Variants in CAMKMT observed in about 807,000 individuals in gnomAD.
CAMKMT encodes the protein calmodulin-lysine N-methyltransferase.
CAMKMT carries 53 observed loss-of-function variants against 48.0 expected under a neutral mutation model. The observed-to-expected ratio is 1.10, with a 90% CI of 0.89 to 1.39. The LOEUF is 1.39. Ranked by LOEUF, CAMKMT falls within the 40% of genes most tolerant of loss-of-function variation. The pLI is 0.00. For missense variants in CAMKMT, 428 were observed against 402.7 expected, an observed-to-expected ratio of 1.06 and a Z score of -0.54; for synonymous variants, 165 against 152.3, an observed-to-expected ratio of 1.08 and a Z score of -0.61.
chr2:44,439,970 A>G (rs867627330), intron 3 of CAMKMT, among the ~76,000 whole-genome samples: 4 of 152,272 alleles, frequency 2.6e-5, no homozygotes, highest in Admixed American at 6.5e-5. Flanking sequence ...CTACTTGGAG[A>G]CAAAGGTCTC....
intron 8 of CAMKMT, among the ~76,000 whole-genome samples, chr2:44,749,227 A>G (rs1314242160): frequency 6.6e-6 from 1 of 152,186 alleles, no homozygotes; most frequent in Admixed American, 6.5e-5. Context: ...ACTTTTTGGA[A>G]ACTTCTTATA....
At chr2:44,420,423 G>A (rs2603264) in intron 3 of CAMKMT, among the ~76,000 whole-genome samples, 1 of 152,082 alleles carries the variant, frequency 6.6e-6, no homozygotes, top group Admixed American at 6.6e-5. Flanking sequence ...CAATGCAGGG[G>A]TTAGGAGTGC....
intron 3 of CAMKMT, among the ~76,000 whole-genome samples, chr2:44,600,670 A>G (rs1313816783): frequency 6.6e-6 from 1 of 152,146 alleles, no homozygotes; most frequent in Admixed American, 6.5e-5. Flanking sequence ...ATATACAGAT[A>G]CAGACACACA....
chr2:44,481,301 A>G (rs547708230), intron 3 of CAMKMT, among the ~76,000 whole-genome samples: 6 of 152,190 alleles, frequency 3.9e-5, no homozygotes, highest in South Asian at 4.1e-4. Context: ...TATAAAATCT[A>G]TTTTTGATGG....
At chr2:44,767,768 A>G (rs1352221042) in intron 10 of CAMKMT, among the ~76,000 whole-genome samples, 1 of 152,116 alleles carries the variant, frequency 6.6e-6, no homozygotes, top group African/African-American at 2.4e-5. Flanking sequence ...TTTACCTGGT[A>G]GGAAAAGGGT....
intron 3 of CAMKMT, among the ~76,000 whole-genome samples, chr2:44,450,085 C>A (rs1667212701): frequency 6.6e-6 from 1 of 152,112 alleles, no homozygotes; most frequent in East Asian, 1.9e-4. Context: ...TTCATCAACA[C>A]TGTGGAATGA....
chr2:44,574,661 G>GAGT (rs1297356803), intron 3 of CAMKMT, among the ~76,000 whole-genome samples: 2 of 151,196 alleles, frequency 1.3e-5, no homozygotes, highest in African/African-American at 4.9e-5. Context: ...AGGTTGCGTT[G>GAGT]ACTTATAGAG....
intron 3 of CAMKMT, among the ~76,000 whole-genome samples, chr2:44,496,133 G>A (rs1343184328): frequency 6.6e-6 from 1 of 152,158 alleles, no homozygotes; most frequent in Admixed American, 6.6e-5. Context: ...AAAGTCCTCA[G>A]TACAATTTTA....
At chr2:44,457,738 C>G (rs10198598) in intron 3 of CAMKMT, among the ~76,000 whole-genome samples, 1 of 152,066 alleles carries the variant, frequency 6.6e-6, no homozygotes, top group Non-Finnish European at 1.5e-5. Context: ...GTACAAGAGT[C>G]TTTGAAACTA....
chr2:44,521,854 C>CTAAAAA (rs146164984), intron 3 of CAMKMT, among the ~76,000 whole-genome samples: 7 of 150,904 alleles, frequency 4.6e-5, no homozygotes, highest in African/African-American at 1.7e-4. Flanking sequence ...GATTCTGTCT[C>CTAAAAA]TAAAAATAAA....
chr2:44,373,234 A>G (rs1679354952), intron 2 of CAMKMT, among the ~76,000 whole-genome samples: 1 of 152,214 alleles, frequency 6.6e-6, no homozygotes, highest in Non-Finnish European at 1.5e-5. Flanking sequence ...AATTTTTCCA[A>G]ACTACCCTTC....
intron 7 of CAMKMT, among the ~76,000 whole-genome samples, chr2:44,730,322 A>T (rs73924536): frequency 6.6e-6 from 1 of 152,204 alleles, no homozygotes; most frequent in Admixed American, 6.5e-5. Flanking sequence ...ACCTTCCCCA[A>T]CTTGTCCAGT....
intron 3 of CAMKMT, among the ~76,000 whole-genome samples, chr2:44,464,222 A>G (rs985901321): frequency 6.6e-5 from 10 of 152,214 alleles, no homozygotes; most frequent in African/African-American, 2.4e-4. Flanking sequence ...AAGACCAACA[A>G]GAGACTTGAT....
At chr2:44,694,669 C>G (rs543272476) in intron 3 of CAMKMT, among the ~76,000 whole-genome samples, 25 of 152,376 alleles carry the variant, frequency 1.6e-4, no homozygotes, top group Non-Finnish European at 2.5e-4. Flanking sequence ...CCACCTCACT[C>G]TTGCTACACA....
intron 3 of CAMKMT, among the ~76,000 whole-genome samples, chr2:44,557,145 A>G (rs1439398932): frequency 2.0e-5 from 3 of 152,206 alleles, no homozygotes; most frequent in African/African-American, 4.8e-5. Context: ...GTTTCCAAGT[A>G]TTATTTGTCA....
intron 3 of CAMKMT, among the ~76,000 whole-genome samples, chr2:44,614,953 T>TTTTTTTTTTTTTTTTTTC (rs1459090690): frequency 7.5e-6 from 1 of 133,418 alleles, no homozygotes; most frequent in African/African-American, 3.0e-5. Context: ...TTTTTTTTTT[T>TTTTTTTTTTTTTTTTTTC]TTTTTTTGAG....
chr2:44,608,868 A>G (rs1671446443), intron 3 of CAMKMT, among the ~76,000 whole-genome samples: 1 of 152,148 alleles, frequency 6.6e-6, no homozygotes, highest in South Asian at 2.1e-4. Flanking sequence ...GGGTATTGCT[A>G]ATAGGTGCCT....
At chr2:44,771,947 A>C in intron 10 of CAMKMT, 89 bp from the exon 11 acceptor site, 1 of 899,228 alleles carries the variant, frequency 1.1e-6, no homozygotes, top group Non-Finnish European at 1.8e-6. Flanking sequence ...TTTGGTGTAA[A>C]AGTCATCATG....
At chr2:44,547,735 C>T (rs1335828614) in intron 3 of CAMKMT, among the ~76,000 whole-genome samples, 4 of 152,148 alleles carry the variant, frequency 2.6e-5, no homozygotes, top group Non-Finnish European at 5.9e-5. Flanking sequence ...CATAGGGTTA[C>T]TATGAGAATT....
Sources: gnomAD v4.1 joint callset for allele counts (sites outside exome capture counted in the v4.1 genomes callset) on GRCh38, gnomAD v4.1.1 for gene constraint, MANE v1.5 for transcripts, NCBI Gene and HGNC (gene_info 2026-07-23, HGNC 2026-07-21) for gene names.